The following CCDC175 variants were observed in gnomAD, a reference collection of about 807,000 sequenced individuals.
CCDC175 encodes coiled-coil domain-containing protein 175.
Under a neutral mutation model 114.6 loss-of-function variants are expected in CCDC175, and 100 were observed. The ratio of observed to expected loss-of-function variants is 0.87; its 90% CI spans 0.74 to 1.03. The LOEUF is 1.03. CCDC175 is among the 50% of genes least tolerant of loss of function. The pLI is 0.00. For synonymous variants in CCDC175, 306 were observed against 308.7 expected (o/e 0.99, Z 0.09); for missense variants, 880 against 917.8 (o/e 0.96, Z 0.53).
chr14:59,546,231 T>C (rs996999647), intron 8 of CCDC175, among the ~76,000 whole-genome samples: 1 of 152,160 alleles, frequency 6.6e-6, no homozygotes, highest in Non-Finnish European at 1.5e-5. Flanking sequence ...AATGAAATAC[T>C]GCATATTCTC....
chr14:59,566,661 G>T (rs1428411260), intron 4 of CCDC175, among the ~76,000 whole-genome samples: 1 of 152,046 alleles, frequency 6.6e-6, no homozygotes, highest in Non-Finnish European at 1.5e-5. Context: ...GAGAAGAAAA[G>T]AACACTCACA....
intron 10 of CCDC175, 52 bp from the exon 11 acceptor site, chr14:59,540,798 A>G (rs1377508463): frequency 8.7e-6 from 12 of 1,381,992 alleles, no homozygotes; most frequent in Non-Finnish European, 1.2e-5. Flanking sequence ...GTTAGAATAT[A>G]CAATAGACTC....
chr14:59,557,471 T>A (rs1392048132), intron 7 of CCDC175, among the ~76,000 whole-genome samples: 1 of 37,042 alleles, frequency 2.7e-5, no homozygotes, highest in African/African-American at 1.1e-4. Flanking sequence ...TGTTGTGGGG[T>A]GGGGGGAGGG....
At position 59,572,809 on chromosome 14, in the gene CCDC175, T is replaced by C; in HGVS notation, c.248A>G (p.Glu83Gly). 6.7e-7 allele frequency: 1 copy of C among 1,494,270 alleles called. No individual in the cohort carries two copies. Among genetic ancestry groups the C allele is most frequent in the African/African-American group, 1.4e-5 (1 of 70,680 alleles). The allele number at this position is 1,494,270 out of a possible 1,614,324, so 92.6% of individuals were successfully genotyped here. The change falls in exon 3 of 20, where the codon GAA becomes GGA. Residue 83 changes from glutamate to glycine, a missense_variant. Glu to Gly is a moderately conservative substitution (Grantham distance 98). Transcript: ENST00000537690. ...DIAVAVKKLE[E>G]MRKATIDLLE... ...AAGATCGATTGTGGCTTTTCTCATT[T>C]CTTCCTGAAAATTTAAATTACATTT...
At chr14:59,534,136 T>C (rs1894254899) in intron 13 of CCDC175, among the ~76,000 whole-genome samples, 1 of 152,184 alleles carries the variant, frequency 6.6e-6, no homozygotes, top group African/African-American at 2.4e-5. Flanking sequence ...GCTGCTGTGA[T>C]AAGAAGCCAT....
intron 4 of CCDC175, among the ~76,000 whole-genome samples, chr14:59,567,122 T>C (rs1242450303): frequency 6.6e-6 from 1 of 152,246 alleles, no homozygotes; most frequent in Non-Finnish European, 1.5e-5. Flanking sequence ...TGCTGACCGG[T>C]TGATATAAAT....
intron 7 of CCDC175, among the ~76,000 whole-genome samples, chr14:59,559,966 T>C (rs1416571653): frequency 6.6e-6 from 1 of 152,196 alleles, no homozygotes; most frequent in South Asian, 2.1e-4. Flanking sequence ...TTTTTATTCA[T>C]AACAGCTAGA....
chr14:59,511,723 T>A (rs776773159), intron 18 of CCDC175, 37 bp downstream of exon 18: 2 of 1,511,046 alleles, frequency 1.3e-6, no homozygotes, highest in East Asian at 4.9e-5. Context: ...GGAAATATGA[T>A]ATTTATATGG....
At chr14:59,515,191 G>A (rs1170218460) in intron 17 of CCDC175, among the ~76,000 whole-genome samples, 24 of 152,092 alleles carry the variant, frequency 1.6e-4, no homozygotes, top group South Asian at 4.1e-4. Flanking sequence ...AGGAACAACT[G>A]GTACCAGCCA....
intron 8 of CCDC175, among the ~76,000 whole-genome samples, chr14:59,550,544 G>A (rs1241093586): frequency 1.3e-5 from 2 of 152,036 alleles, no homozygotes; most frequent in African/African-American, 4.8e-5. Context: ...TAGAGGGACA[G>A]AACTAACAGG....
intron 7 of CCDC175, among the ~76,000 whole-genome samples, chr14:59,551,766 A>G (rs1199672651): frequency 6.6e-6 from 1 of 152,182 alleles, no homozygotes; most frequent in Non-Finnish European, 1.5e-5. Flanking sequence ...GGTCACTCCC[A>G]CCCTAATACT....
chr14:59,541,351 A>C (rs1595031121), intron 10 of CCDC175, among the ~76,000 whole-genome samples: 1 of 152,208 alleles, frequency 6.6e-6, no homozygotes, highest in Admixed American at 6.5e-5. Flanking sequence ...ATGGATGGAA[A>C]TGTGAAGATT....
intron 4 of CCDC175, among the ~76,000 whole-genome samples, 199 bp from the exon 5 acceptor site, chr14:59,565,474 G>C (rs1368036239): frequency 6.6e-6 from 1 of 152,178 alleles, no homozygotes; most frequent in Non-Finnish European, 1.5e-5. Flanking sequence ...GGAGGCCGAG[G>C]TGGGCAAATC....
chr14:59,515,070 T>A (rs146581397), intron 17 of CCDC175, among the ~76,000 whole-genome samples: 1 of 152,206 alleles, frequency 6.6e-6, no homozygotes, highest in Non-Finnish European at 1.5e-5. Flanking sequence ...CAAACTAAGC[T>A]TCATAAATGA....
chr14:59,516,236 C>A (rs1442725489), intron 17 of CCDC175, among the ~76,000 whole-genome samples: 3 of 151,852 alleles, frequency 2.0e-5, no homozygotes, highest in African/African-American at 7.3e-5. Context: ...AAATTGACAC[C>A]CTAACATCAC....
At chr14:59,559,603 G>C (rs10143313) in intron 7 of CCDC175, among the ~76,000 whole-genome samples, 22 of 152,156 alleles carry the variant, frequency 1.4e-4, no homozygotes, top group African/African-American at 5.1e-4. Context: ...TTATAAAACA[G>C]CACTGATTCT....
chr14:59,570,897 C>A (rs745625566), intron 3 of CCDC175, among the ~76,000 whole-genome samples: 1 of 152,092 alleles, frequency 6.6e-6, no homozygotes, highest in Non-Finnish European at 1.5e-5. Context: ...CGCCACCACG[C>A]CTGGCTAATT....
intron 13 of CCDC175, among the ~76,000 whole-genome samples, chr14:59,534,357 C>G (rs114379180): frequency 1.3e-5 from 2 of 152,170 alleles, no homozygotes; most frequent in Non-Finnish European, 2.9e-5. Context: ...TGATCCAGGT[C>G]CCCCATCTCC....
In CCDC175 at chr14:59,553,247, C is replaced by G. The variant is rs182773648; in HGVS notation, c.954-1811G>C. 6.2e-4 allele frequency among the ~76,000 whole-genome samples: 95 copies of G among 152,308 alleles called. 1 individual carries two copies. Among genetic ancestry groups the G allele is most frequent in the Admixed American group, 5.4e-3 (83 of 15,304 alleles). On this transcript the variant is annotated intron_variant, in intron 7 of 19. Transcript: ENST00000537690. ...GGGTTACCCACAAAGGGAAGCCCAG[C>G]AGATTAACAGCTGATCTCTCAGCAG...
Sources: allele counts gnomAD v4.1 joint callset (sites outside exome capture counted in the v4.1 genomes callset), GRCh38; gene constraint gnomAD v4.1.1; transcripts MANE v1.5; gene names NCBI Gene and HGNC (gene_info 2026-07-23, HGNC 2026-07-21).